Variants in KCNN3 observed in about 807,000 individuals in gnomAD.
KCNN3 encodes potassium calcium-activated channel subfamily N member 3, also known as small conductance calcium-activated potassium channel protein 3.
KCNN3 carries 16 observed loss-of-function variants against 62.9 expected under a neutral mutation model. The ratio of observed to expected loss-of-function variants is 0.25; its 90% confidence interval spans 0.17 to 0.39. KCNN3 has a LOEUF of 0.39. Among genes scored for constraint, KCNN3 ranks in the 10% least tolerant of loss-of-function variants. The pLI, the probability that KCNN3 is intolerant of heterozygous loss-of-function variation, is 1.00. For missense variants in KCNN3, 599 were observed against 949.4 expected (o/e 0.63, Z 4.85); for synonymous variants, 370 against 389.2 (o/e 0.95, Z 0.58).
At chr1:154,814,685 C>T (rs557692680) in intron 2 of KCNN3, among the ~76,000 whole-genome samples, 3 of 152,348 alleles carry the variant, frequency 2.0e-5, no homozygotes, top group East Asian at 1.9e-4. Flanking sequence ...GTCTCTGAGG[C>T]GCTTGCTAAT....
intron 3 of KCNN3, among the ~76,000 whole-genome samples, chr1:154,745,183 G>T (rs947469710): frequency 6.6e-6 from 1 of 152,108 alleles, no homozygotes; most frequent in Non-Finnish European, 1.5e-5. Flanking sequence ...AACAGCCCTG[G>T]ATCTTTCCAA....
intron 3 of KCNN3, among the ~76,000 whole-genome samples, chr1:154,764,793 C>T (rs760760033): frequency 2.6e-5 from 4 of 152,118 alleles, no homozygotes; most frequent in Admixed American, 6.6e-5. Context: ...TGCAACTACG[C>T]GTAAGTTTAG....
intron 1 of KCNN3, among the ~76,000 whole-genome samples, chr1:154,826,070 AAAACAAAAACAAAAAC>A (rs1651109130): frequency 1.5e-4 from 6 of 41,082 alleles, no homozygotes; most frequent in African/African-American, 4.2e-4. Context: ...AACAAAAACA[AAAACAAAAACAAAAAC>A]AAAAAAAACC....
intron 2 of KCNN3, among the ~76,000 whole-genome samples, chr1:154,776,107 T>C (rs961038249): frequency 4.6e-5 from 7 of 152,186 alleles, no homozygotes; most frequent in Non-Finnish European, 7.3e-5. Context: ...CCGCCTTGGT[T>C]GTGGCTTGCT....
At chr1:154,829,305 G>A (rs1651283520) in intron 1 of KCNN3, among the ~76,000 whole-genome samples, 1 of 152,330 alleles carries the variant, frequency 6.6e-6, no homozygotes, top group South Asian at 2.1e-4. Context: ...CTTTGCGCTC[G>A]AGTGACCAGC....
intron 1 of KCNN3, among the ~76,000 whole-genome samples, chr1:154,822,852 G>A (rs1446724309): frequency 6.6e-6 from 1 of 152,174 alleles, no homozygotes; most frequent in Admixed American, 6.5e-5. Flanking sequence ...TGAGCCCCGT[G>A]GCCTCCACTG....
intron 2 of KCNN3, among the ~76,000 whole-genome samples, chr1:154,807,986 G>T (rs1650251381): frequency 6.6e-6 from 1 of 152,088 alleles, no homozygotes; most frequent in South Asian, 2.1e-4. Flanking sequence ...AGGTCCCAGT[G>T]ATTGAGGGGG....
At position 154,809,674 on chromosome 1, in the gene KCNN3, C is replaced by G. The variant is rs1012675108; in HGVS notation, c.1029+12415G>C. Among the ~76,000 whole-genome samples the G allele has an allele frequency of 1.1e-4, 17 of 152,062 alleles. No individual in the cohort carries two copies. The highest frequency in any genetic ancestry group is 3.9e-4 in the Admixed American group (6 of 15,274). On this transcript the variant is annotated intron_variant, in intron 2 of 7. Coordinates refer to ENST00000271915, the MANE Select transcript of KCNN3 (RefSeq NM_002249.6). The surrounding 1 kb of genome is among the most constrained non-coding windows in gnomAD (Gnocchi z 4.3). ...TGAGTGAGATGCTAAAAGGCCTGGA[C>G]AGACTAGAATGAAGGGCTGAAACAG...
intron 6 of KCNN3, among the ~76,000 whole-genome samples, chr1:154,714,185 G>A (rs1389342308): frequency 7.1e-6 from 1 of 141,544 alleles, no homozygotes; most frequent in Admixed American, 7.1e-5. Flanking sequence ...GGTGTGTGGT[G>A]TGTGTGTGGT....
chr1:154,720,057 G>C (rs979150981), intron 5 of KCNN3, among the ~76,000 whole-genome samples: 3 of 152,200 alleles, frequency 2.0e-5, no homozygotes, highest in African/African-American at 7.2e-5. Flanking sequence ...CAGTTAGGGT[G>C]GAGTTAAGCT....
At chr1:154,732,064 G>A (rs775920680) in intron 4 of KCNN3, among the ~76,000 whole-genome samples, 2 of 152,202 alleles carry the variant, frequency 1.3e-5, no homozygotes, top group African/African-American at 2.4e-5. Context: ...GTGTGTGGCC[G>A]CTTCTCGTTT....
intron 2 of KCNN3, among the ~76,000 whole-genome samples, chr1:154,800,525 A>G (rs1649911123): frequency 6.6e-6 from 1 of 152,126 alleles, no homozygotes; most frequent in African/African-American, 2.4e-5. Flanking sequence ...ATCCCAGTAC[A>G]GAGCTCCGAG....
At chr1:154,797,473 C>T (rs56162646) in intron 2 of KCNN3, among the ~76,000 whole-genome samples, 3,528 of 152,288 alleles carry the variant, frequency 0.023, 78 homozygotes, top group Non-Finnish European at 0.034. Context: ...TTTCAGAGGT[C>T]GCCCTTGAAG....
intron 5 of KCNN3, among the ~76,000 whole-genome samples, chr1:154,721,126 C>A (rs1002612253): frequency 1.3e-5 from 2 of 152,166 alleles, no homozygotes; most frequent in South Asian, 2.1e-4. Flanking sequence ...GGGCAAGAAA[C>A]CCCTGCAGCA....
At chr1:154,749,882 A>T (rs1338366356) in intron 3 of KCNN3, among the ~76,000 whole-genome samples, 1 of 152,138 alleles carries the variant, frequency 6.6e-6, no homozygotes, top group African/African-American at 2.4e-5. Flanking sequence ...CCCGGACCAC[A>T]AGCAGCCTGC....
In KCNN3 at chr1:154,698,168, CCTT is replaced by C. The variant is rs1325344288; in HGVS notation, c.*9805_*9807del. The C allele has an allele frequency of 1.3e-5, 2 of 152,146 alleles. No homozygotes were observed. Among genetic ancestry groups the C allele is most frequent in the African/African-American group, 4.8e-5 (2 of 41,432 alleles). The allele number at this position is 152,146 out of a possible 1,614,324, so 9.4% of individuals were successfully genotyped here. A position where few individuals can be genotyped will look rare whatever the true frequency, so the allele number is the denominator to read the frequency against. On this transcript the variant is annotated 3_prime_UTR_variant, in exon 8 of 8. Transcript: ENST00000271915. ...GAAAAAGTCCCAGATATTACATACT[CCTT>C]CTAAAGCACCTAATTTGCATTTTTA...
intron 3 of KCNN3, among the ~76,000 whole-genome samples, chr1:154,738,306 G>A (rs1343049925): frequency 1.3e-5 from 2 of 152,334 alleles, no homozygotes; most frequent in African/African-American, 2.4e-5. Flanking sequence ...AACACTGGAA[G>A]CTAGAAGGCC....
chr1:154,868,196 C>T, intron 1 of KCNN3: 1 of 985,508 alleles, frequency 1.0e-6, no homozygotes. Flanking sequence ...TCATCCCGTC[C>T]CAAGGAGAGG....
At chr1:154,821,662 G>A (rs984941835) in intron 2 of KCNN3, among the ~76,000 whole-genome samples, 3 of 152,202 alleles carry the variant, frequency 2.0e-5, no homozygotes, top group African/African-American at 7.2e-5. Context: ...GTGGAGTTTG[G>A]TGCAGCATAT....
Sources: gnomAD v4.1 joint callset for allele counts (sites outside exome capture counted in the v4.1 genomes callset) on GRCh38, gnomAD v4.1.1 for gene constraint, Gnocchi (gnomAD v3.1) non-coding constraint, MANE v1.5 for transcripts, NCBI Gene and HGNC (gene_info 2026-07-23, HGNC 2026-07-21) for gene names.